The following TRABD2B variants were observed in gnomAD, a reference collection of about 807,000 sequenced individuals.
TRABD2B encodes TraB domain containing 2B.
Under a neutral mutation model 40.1 loss-of-function variants are expected in TRABD2B, and 14 were observed. That is an observed-to-expected ratio of 0.35 (90% CI 0.23 to 0.55). The LOEUF is 0.55. Among genes scored for constraint, TRABD2B ranks in the 20% least tolerant of loss-of-function variants. The probability of loss-of-function intolerance (pLI) is 0.90; values close to 1 mark genes in which losing one functional copy is unlikely to be tolerated. For synonymous variants in TRABD2B, 263 were observed against 277.0 expected (o/e 0.95, Z 0.50); for missense variants, 541 against 648.6 (o/e 0.83, Z 1.80).
At chr1:47,954,571 G>T (rs890989245) in intron 2 of TRABD2B, among the ~76,000 whole-genome samples, 1 of 152,194 alleles carries the variant, frequency 6.6e-6, no homozygotes, top group South Asian at 2.1e-4. Context: ...AGGAACTGCT[G>T]AGAGTTTTCA....
intron 5 of TRABD2B, 151 bp downstream of exon 5, chr1:47,778,303 C>T: frequency 1.6e-6 from 1 of 642,930 alleles, no homozygotes; most frequent in Non-Finnish European, 2.7e-6. Flanking sequence ...CAGCTCCTTC[C>T]CAATCTCCTG....
chr1:47,987,677 G>T (rs1237866279), intron 2 of TRABD2B, among the ~76,000 whole-genome samples: 1 of 152,202 alleles, frequency 6.6e-6, no homozygotes, highest in East Asian at 1.9e-4. Context: ...CGCCATGCCT[G>T]CAGGGGTTCT....
At chr1:47,907,058 G>A (rs1008386409) in intron 2 of TRABD2B, among the ~76,000 whole-genome samples, 1 of 152,226 alleles carries the variant, frequency 6.6e-6, no homozygotes, top group East Asian at 1.9e-4. Context: ...CCGGCCGCTG[G>A]CGTGGGGAGG....
At chr1:47,937,810 C>G (rs1043631000) in intron 2 of TRABD2B, among the ~76,000 whole-genome samples, 3 of 152,150 alleles carry the variant, frequency 2.0e-5, no homozygotes, top group African/African-American at 7.2e-5. Context: ...CAGCTCATAC[C>G]ACCTGCAGCC....
In TRABD2B at chr1:47,760,684, A is replaced by T. The variant is rs561726736; in HGVS notation, c.*5218T>A. ...GGGGCAGAGGTGATAAGAGAACAAC[A>T]TCATGAATACCTTTCAAATACATGA... is the stretch of plus-strand genomic sequence containing the variant. On this transcript the variant is annotated 3_prime_UTR_variant, in exon 7 of 7. Transcript: ENST00000606738. 7.9e-5 allele frequency: 12 copies of T among 152,360 alleles called. No individual in the cohort carries two copies. The highest frequency in any genetic ancestry group is 2.4e-4 in the African/African-American group (10 of 41,572). The allele number at this position is 152,360 out of a possible 1,614,324, so 9.4% of individuals were successfully genotyped here.
Position 47,994,686 on chromosome 1 carries a change from G to A in TRABD2B, c.103-89C>T, listed in dbSNP as rs1646065406. ...CCAGAGGCACGTTGCAGAGGGAGGT[G>A]GGGATGGGAGGCAGAGACCATACAC... On this transcript the variant is annotated intron_variant, in intron 1 of 6. Transcript: ENST00000606738. This position sits in a 1 kb window ranked among gnomAD's most constrained non-coding sequence, Gnocchi z 6.7. 2.5e-6 allele frequency: 3 copies of A among 1,185,712 alleles called. No individual in the cohort carries two copies. In the African/African-American group the frequency reaches 4.6e-5, roughly 18 times the overall value. 73.4% of individuals were successfully genotyped at this position (1,185,712 alleles called of 1,614,324 possible). A position where few individuals can be genotyped will look rare whatever the true frequency, so the allele number is the denominator to read the frequency against.
intron 6 of TRABD2B, among the ~76,000 whole-genome samples, chr1:47,766,807 A>G (rs879752982): frequency 1.4e-4 from 21 of 152,162 alleles, no homozygotes; most frequent in African/African-American, 4.3e-4. Context: ...CAGTTGCAGG[A>G]TATGTTTAGT....
intron 2 of TRABD2B, among the ~76,000 whole-genome samples, chr1:47,820,781 ACCAC>A (rs777656624): frequency 1.3e-5 from 1 of 76,496 alleles, no homozygotes; most frequent in Non-Finnish European, 2.4e-5. Flanking sequence ...GTTCACACAC[ACCAC>A]ACACACACAC....
At chr1:47,795,608 T>C in intron 3 of TRABD2B, 2 of 975,236 alleles carry the variant, frequency 2.1e-6, no homozygotes, top group Non-Finnish European at 2.4e-6. Context: ...ACTTGTAAGA[T>C]GAAACTGATG....
At chr1:47,936,086 C>T (rs1645103171) in intron 2 of TRABD2B, among the ~76,000 whole-genome samples, 1 of 152,202 alleles carries the variant, frequency 6.6e-6, no homozygotes, top group African/African-American at 2.4e-5. Context: ...ACAGGAGGGA[C>T]TCAGGAACTA....
At chr1:47,774,056 G>C (rs890288509) in intron 6 of TRABD2B, among the ~76,000 whole-genome samples, 5 of 152,244 alleles carry the variant, frequency 3.3e-5, no homozygotes, top group African/African-American at 1.2e-4. Context: ...CATCTATAAT[G>C]CACAGTGTAG....
chr1:47,948,693 T>C (rs1645295571), intron 2 of TRABD2B, among the ~76,000 whole-genome samples: 1 of 152,172 alleles, frequency 6.6e-6, no homozygotes, highest in South Asian at 2.1e-4. Flanking sequence ...TACCCCTCCA[T>C]AAGCTTCTAA....
chr1:47,990,803 A>AAAACGT (rs1364862349), intron 2 of TRABD2B, among the ~76,000 whole-genome samples: 1 of 69,938 alleles, frequency 1.4e-5, no homozygotes, highest in South Asian at 5.6e-4. Flanking sequence ...ATATATATAT[A>AAAACGT]TATATATATA....
rs373374942 is a variant in TRABD2B, at chr1:47,949,631, C to T, written c.666+44403G>A. ...CTATGTTGGCCAGGCTGGTCTTGAT[C>T]TCCTCACCTCAAATGATCCACCCGC... On this transcript the variant is annotated intron_variant, in intron 2 of 6. Coordinates refer to ENST00000606738, the MANE Select transcript of TRABD2B (RefSeq NM_001194986.2). Among the ~76,000 whole-genome samples the T allele has an allele frequency of 2.4e-4, 36 of 151,900 alleles. 1 individual carries two copies. The East Asian group carries it at 6.2e-3, about 26-fold the overall frequency.
intron 2 of TRABD2B, among the ~76,000 whole-genome samples, chr1:47,977,685 A>C (rs1233927159): frequency 6.6e-6 from 1 of 151,568 alleles, no homozygotes; most frequent in Non-Finnish European, 1.5e-5. Context: ...GGGATGAAAA[A>C]AAAAAAAAAA....
chr1:47,853,722 A>T (rs1156596950), intron 2 of TRABD2B, among the ~76,000 whole-genome samples: 6 of 152,152 alleles, frequency 3.9e-5, no homozygotes, highest in Non-Finnish European at 7.3e-5. Context: ...GATTTTGAAT[A>T]GCTCTGTCAA....
intron 2 of TRABD2B, among the ~76,000 whole-genome samples, chr1:47,895,455 A>G (rs924055929): frequency 1.3e-5 from 2 of 151,478 alleles, no homozygotes; most frequent in Non-Finnish European, 2.9e-5. Flanking sequence ...CCTGGACCCC[A>G]CTGCCCCCCT....
At chr1:47,863,393 T>TATATATATAA (rs1553159686) in intron 2 of TRABD2B, among the ~76,000 whole-genome samples, 1 of 135,696 alleles carries the variant, frequency 7.4e-6, no homozygotes, top group Non-Finnish European at 1.6e-5. Flanking sequence ...TATATATATA[T>TATATATATAA]AATCTCTTAA....
In TRABD2B at chr1:47,996,605, G is replaced by A; in HGVS notation, c.102+83C>T. The A allele has an allele frequency of 8.4e-7, 1 of 1,192,156 alleles. No homozygotes were observed. Among genetic ancestry groups the A allele is most frequent in the South Asian group, 4.3e-5 (1 of 23,484 alleles). 73.8% of individuals were successfully genotyped at this position (1,192,156 alleles called of 1,614,324 possible). A position where few individuals can be genotyped will look rare whatever the true frequency, so the allele number is the denominator to read the frequency against. On this transcript the variant is annotated intron_variant, in intron 1 of 6. Transcript: ENST00000606738. The surrounding 1 kb of genome is among the most constrained non-coding windows in gnomAD (Gnocchi z 4.6). ...GTGGAGCGGGCGGGCTAAGGTGGGTGCGGAAGCAGGACCCAAACCATGGTC... is the reference window on the plus strand; with the variant it reads ...GTGGAGCGGGCGGGCTAAGGTGGGTACGGAAGCAGGACCCAAACCATGGTC...
Sources: allele counts gnomAD v4.1 joint callset (sites outside exome capture counted in the v4.1 genomes callset), GRCh38; gene constraint gnomAD v4.1.1; non-coding constraint Gnocchi (gnomAD v3.1); transcripts MANE v1.5; gene names NCBI Gene and HGNC (gene_info 2026-07-23, HGNC 2026-07-21).